PDE9A: variants seen among roughly 807,000 people sequenced by gnomAD.
PDE9A encodes the protein high affinity cGMP-specific 3',5'-cyclic phosphodiesterase 9A.
PDE9A carries 60 observed loss-of-function variants against 87.4 expected under a neutral mutation model. The ratio of observed to expected loss-of-function variants is 0.69; its 90% CI spans 0.56 to 0.85. PDE9A has a LOEUF of 0.85. PDE9A is among the 40% of genes least tolerant of loss of function. The pLI is 0.00. For synonymous variants in PDE9A, 272 were observed against 279.4 expected (o/e 0.97, Z 0.27); for missense variants, 665 against 779.0 (o/e 0.85, Z 1.74).
At position 42,739,659 on chromosome 21, in the gene PDE9A, T is replaced by A. The variant is rs377485443; in HGVS notation, c.569-4117T>A. Among the ~76,000 whole-genome samples, 8 of 151,936 alleles carry A rather than the reference T, an allele frequency of 5.3e-5. No individual in the cohort carries two copies. Among genetic ancestry groups the A allele is most frequent in the African/African-American group, 1.9e-4 (8 of 41,372 alleles). On this transcript the variant is annotated intron_variant, in intron 7 of 19. Transcript: ENST00000291539. This position sits in a 1 kb window ranked among gnomAD's most constrained non-coding sequence, Gnocchi z 4.1. ...TGCAAACTAGTGAAGCTGTGCTGTG[T>A]CACCCAGGAGGCTTAATTTTAACAT...
rs2060031538 is a variant in PDE9A, at chr21:42,694,294, A to T, written c.219-4674A>T. Reference sequence around the variant, plus strand: ...GACTTGGTGTGGACTTGGTCACCTCACTGTCCCCCCAGCCTCAGGCCCAGG... The same window carrying T: ...GACTTGGTGTGGACTTGGTCACCTCTCTGTCCCCCCAGCCTCAGGCCCAGG... On this transcript the variant is annotated intron_variant, in intron 3 of 19. Transcript: ENST00000291539. The surrounding 1 kb of genome is among the most constrained non-coding windows in gnomAD (Gnocchi z 5.3). 6.6e-6 allele frequency among the ~76,000 whole-genome samples: 1 copy of T among 152,048 alleles called. No individual in the cohort carries two copies. The highest frequency in any genetic ancestry group is 6.5e-5 in the Admixed American group (1 of 15,272).
intron 3 of PDE9A, among the ~76,000 whole-genome samples, chr21:42,688,789 T>C (rs1363707765): frequency 6.6e-6 from 1 of 152,230 alleles, no homozygotes. Context: ...GGTACACTTG[T>C]CAATCTGGTC....
rs2059463092 is a variant in PDE9A, at chr21:42,686,274, C to A, written c.140+12C>A. On this transcript the variant is annotated intron_variant, in intron 2 of 19. Transcript: ENST00000291539. Reference sequence around the variant, plus strand: ...ACCGGCCTGCCTCGGTGAGTGCGCGCTGCGGGCTCTGCCCGGTGACGCCAC... The same window carrying A: ...ACCGGCCTGCCTCGGTGAGTGCGCGATGCGGGCTCTGCCCGGTGACGCCAC... 1 of 1,606,092 alleles carries A rather than the reference C, an allele frequency of 6.2e-7. No homozygotes were observed. Among genetic ancestry groups the A allele is most frequent in the Admixed American group, 1.7e-5 (1 of 59,976 alleles).
At chr21:42,750,945 G>C (rs1159228564) in intron 8 of PDE9A, among the ~76,000 whole-genome samples, 171 bp from the exon 9 acceptor site, 1 of 151,960 alleles carries the variant, frequency 6.6e-6, no homozygotes, top group East Asian at 1.9e-4. Flanking sequence ...GGTCAGACAG[G>C]TCATCAGGGA....
chr21:42,671,036 T>C (rs964655401), intron 1 of PDE9A, among the ~76,000 whole-genome samples: 1 of 152,222 alleles, frequency 6.6e-6, no homozygotes, highest in Non-Finnish European at 1.5e-5. Flanking sequence ...TTTTTCTCCA[T>C]GTACTAATTA....
chr21:42,701,498 G>A (rs2146346368), intron 4 of PDE9A, among the ~76,000 whole-genome samples: 1 of 151,346 alleles, frequency 6.6e-6, no homozygotes, highest in East Asian at 1.9e-4. Flanking sequence ...GTGCAGTGAT[G>A]CGGTCATAGC....
In PDE9A at chr21:42,659,853, G is replaced by A. The variant is rs145144349; in HGVS notation, c.69+5970G>A. ...CAGAAATGGGCAAAAGACAGCTCTCGTTGTCAGCGAGGTAAATCTAGCGCA... is the reference window on the plus strand; with the variant it reads ...CAGAAATGGGCAAAAGACAGCTCTCATTGTCAGCGAGGTAAATCTAGCGCA... On this transcript the variant is annotated intron_variant, in intron 1 of 19. Transcript: ENST00000291539. This position sits in a 1 kb window ranked among gnomAD's most constrained non-coding sequence, Gnocchi z 4.1. Among the ~76,000 whole-genome samples the A allele has an allele frequency of 2.0e-3, 306 of 152,348 alleles. 3 individuals are homozygous for A. Among genetic ancestry groups the A allele is most frequent in the African/African-American group, 6.7e-3 (280 of 41,584 alleles).
chr21:42,707,648 G>A (rs1411556400), intron 4 of PDE9A, among the ~76,000 whole-genome samples: 2 of 152,068 alleles, frequency 1.3e-5, no homozygotes. Context: ...TCTCCGGTGG[G>A]CTTTTGAGGA....
rs557189979 is a variant in PDE9A, at chr21:42,759,811, A to G, written c.898-517A>G. 8.8e-5 allele frequency among the ~76,000 whole-genome samples: 11 copies of G among 124,694 alleles called. No individual in the cohort carries two copies. Among genetic ancestry groups the G allele is most frequent in the African/African-American group, 2.8e-4 (9 of 31,958 alleles). The allele number at this position is 124,694 out of a possible 152,430, so 81.8% of individuals were successfully genotyped here. A position where few individuals can be genotyped will look rare whatever the true frequency, so the allele number is the denominator to read the frequency against. On this transcript the variant is annotated intron_variant, in intron 11 of 19. Transcript: ENST00000291539. This position sits in a 1 kb window ranked among gnomAD's most constrained non-coding sequence, Gnocchi z 7.2. The stretch of plus-strand genomic sequence containing the variant: ...GGGGTGTGTGAGGGTGGATGTGTGC[A>G]TGTGTGTGTGTGGATGTGGGGTGTG...
At chr21:42,772,339 G>T (rs117459332) in intron 18 of PDE9A, 100 bp from the exon 19 acceptor site, 15 of 750,238 alleles carry the variant, frequency 2.0e-5, no homozygotes, top group Non-Finnish European at 2.9e-5. Context: ...AGGCTTTCAC[G>T]TTGCAGCACC....
chr21:42,683,630 C>G (rs1041484967), intron 1 of PDE9A, among the ~76,000 whole-genome samples: 1 of 152,230 alleles, frequency 6.6e-6, no homozygotes, highest in African/African-American at 2.4e-5. Flanking sequence ...GGCCCATGAG[C>G]CTGTTGCCCT....
At chr21:42,686,358 C>G in intron 2 of PDE9A, 96 bp downstream of exon 2, 8 of 939,234 alleles carry the variant, frequency 8.5e-6, no homozygotes, top group South Asian at 1.3e-5. Flanking sequence ...CTGAAGGGCC[C>G]GAGGCACCGG....
intron 8 of PDE9A, among the ~76,000 whole-genome samples, chr21:42,747,691 CCCAGGGG>C (rs2054011367): frequency 1.3e-5 from 2 of 152,342 alleles, no homozygotes; most frequent in African/African-American, 4.8e-5. Flanking sequence ...GCAGGTCTAC[CCCAGGGG>C]CCACGGCCAC....
intron 7 of PDE9A, chr21:42,741,328 G>A (rs2053230062): frequency 6.6e-6 from 1 of 152,226 alleles, no homozygotes; most frequent in Non-Finnish European, 1.5e-5. Context: ...ACAGCCTGTG[G>A]CATGCATCAG....
chr21:42,656,535 A>G (rs2057086853), intron 1 of PDE9A, among the ~76,000 whole-genome samples: 1 of 152,260 alleles, frequency 6.6e-6, no homozygotes, highest in South Asian at 2.1e-4. Flanking sequence ...TTACCTGTGC[A>G]GGTAACCCTG....
At chr21:42,717,358 T>A (rs1023910080) in intron 4 of PDE9A, among the ~76,000 whole-genome samples, 2 of 124,718 alleles carry the variant, frequency 1.6e-5, no homozygotes, top group African/African-American at 6.2e-5. Context: ...GAGTGTACAA[T>A]CAGTTCACTG....
chr21:42,737,351 C>T (rs1481409840), intron 7 of PDE9A, among the ~76,000 whole-genome samples: 1 of 152,266 alleles, frequency 6.6e-6, no homozygotes, highest in Non-Finnish European at 1.5e-5. Context: ...TGTAAGCACC[C>T]AGGCACGTGC....
intron 16 of PDE9A, 115 bp downstream of exon 16, chr21:42,768,407 C>A: frequency 2.9e-6 from 3 of 1,021,004 alleles, no homozygotes; most frequent in Non-Finnish European, 1.4e-6. Flanking sequence ...GGGCTGCCGA[C>A]AGTTCAGCCT....
In PDE9A at chr21:42,739,041, A is replaced by C. The variant is rs2052798903; in HGVS notation, c.569-4735A>C. Among the ~76,000 whole-genome samples the C allele has an allele frequency of 2.6e-5, 4 of 152,334 alleles. No individual in the cohort carries two copies. The South Asian group carries it at 8.3e-4, about 32-fold the overall frequency. On this transcript the variant is annotated intron_variant, in intron 7 of 19. Coordinates refer to ENST00000291539, the MANE Select transcript of PDE9A (RefSeq NM_002606.3). The surrounding 1 kb of genome is among the most constrained non-coding windows in gnomAD (Gnocchi z 4.1). ...GGGGTTTCCAGATAATACTAGCCCCACACACAGGCATGTCCTAGGGTCCAC... is the reference window on the plus strand; with the variant it reads ...GGGGTTTCCAGATAATACTAGCCCCCCACACAGGCATGTCCTAGGGTCCAC...
Sources: gnomAD v4.1 joint callset for allele counts (sites outside exome capture counted in the v4.1 genomes callset) on GRCh38, gnomAD v4.1.1 for gene constraint, Gnocchi (gnomAD v3.1) non-coding constraint, MANE v1.5 for transcripts, NCBI Gene and HGNC (gene_info 2026-07-23, HGNC 2026-07-21) for gene names.